TYW1: variants seen among roughly 807,000 people sequenced by gnomAD.
TYW1 encodes tRNA-yW synthesizing protein 1 homolog.
A neutral mutation model predicts 96.2 loss-of-function variants in TYW1; 46 were observed. The ratio of observed to expected loss-of-function variants is 0.48; its 90% CI spans 0.38 to 0.61. TYW1 has a LOEUF of 0.61. Ranked by LOEUF, TYW1 falls within the 20% of genes least tolerant of loss-of-function variation. The pLI is 0.00. For missense variants in TYW1, 684 were observed against 909.6 expected (o/e 0.75, Z 3.19); for synonymous variants, 274 against 323.0 (o/e 0.85, Z 1.63).
At chr7:67,028,934 A>G (rs564205379) in intron 7 of TYW1, among the ~76,000 whole-genome samples, 52 of 152,144 alleles carry the variant, frequency 3.4e-4, no homozygotes, top group Admixed American at 9.8e-4. Flanking sequence ...GAATAACACT[A>G]TGGTGGATTG....
chr7:67,013,906 G>T (rs1405648067), intron 4 of TYW1, among the ~76,000 whole-genome samples: 32 of 151,744 alleles, frequency 2.1e-4, no homozygotes, highest in Admixed American at 1.2e-3. Context: ...ACCACGCCCG[G>T]CTAATTTTTT....
chr7:67,060,911 C>T (rs1015785103), intron 9 of TYW1, among the ~76,000 whole-genome samples: 2 of 152,136 alleles, frequency 1.3e-5, no homozygotes, highest in Non-Finnish European at 2.9e-5. Flanking sequence ...ATAAATCAGA[C>T]ATGAGGCTTG....
intron 13 of TYW1, among the ~76,000 whole-genome samples, chr7:67,162,313 CAAAA>C (rs60661089): frequency 9.8e-6 from 1 of 102,172 alleles, no homozygotes. Flanking sequence ...GACTCTGTCT[CAAAA>C]AAAAAAAAAA....
intron 12 of TYW1, among the ~76,000 whole-genome samples, chr7:67,102,841 C>CA (rs36011382): frequency 5.9e-5 from 9 of 151,372 alleles, no homozygotes; most frequent in Admixed American, 3.3e-4. Context: ...TTAGTAGAGA[C>CA]GGGTTTCACC....
chr7:67,206,624 TAAA>T (rs1392636131), intron 15 of TYW1, among the ~76,000 whole-genome samples: 1 of 60,114 alleles, frequency 1.7e-5, no homozygotes, highest in Non-Finnish European at 3.2e-5. Context: ...GTCTCAAACA[TAAA>T]TAAATAAATA....
intron 4 of TYW1, among the ~76,000 whole-genome samples, chr7:67,010,682 C>T (rs1000176567): frequency 1.1e-4 from 17 of 151,740 alleles, no homozygotes; most frequent in Non-Finnish European, 1.8e-4. Context: ...TCACCGTGTT[C>T]GCCAGGATGG....
chr7:67,026,580 T>C (rs2037494), intron 7 of TYW1, among the ~76,000 whole-genome samples: 83,206 of 151,410 alleles, frequency 0.55, 23,137 homozygotes, highest in Admixed American at 0.62. Context: ...CTCTAGACTC[T>C]TAGATCTAGA....
chr7:67,069,595 C>T (rs897242044), intron 10 of TYW1, among the ~76,000 whole-genome samples: 3 of 152,116 alleles, frequency 2.0e-5, no homozygotes, highest in South Asian at 2.1e-4. Flanking sequence ...AAAAATTCGC[C>T]GGGCATGGTG....
chr7:67,028,100 A>T (rs925729798), intron 7 of TYW1, among the ~76,000 whole-genome samples: 3 of 150,232 alleles, frequency 2.0e-5, no homozygotes, highest in Admixed American at 1.3e-4. Flanking sequence ...TAAGCTGGGC[A>T]TAGTGGCGCA....
At chr7:67,076,275 T>C (rs1363052252) in intron 10 of TYW1, among the ~76,000 whole-genome samples, 2 of 152,188 alleles carry the variant, frequency 1.3e-5, no homozygotes, top group African/African-American at 4.8e-5. Context: ...CTTTGTTCAG[T>C]GTACTCTCAT....
intron 6 of TYW1, among the ~76,000 whole-genome samples, chr7:67,023,195 C>A (rs1367135892): frequency 6.6e-6 from 1 of 152,032 alleles, no homozygotes; most frequent in Non-Finnish European, 1.5e-5. Context: ...CTCCTGGGTT[C>A]AAGCAATTCT....
At chr7:67,014,832 G>A (rs1048714990) in intron 5 of TYW1, among the ~76,000 whole-genome samples, 2 of 152,088 alleles carry the variant, frequency 1.3e-5, no homozygotes, top group Non-Finnish European at 2.9e-5. Context: ...GGGTTCAAGT[G>A]ATTTCTCCTG....
chr7:67,122,587 G>A (rs182438847), intron 13 of TYW1, among the ~76,000 whole-genome samples: 1 of 152,258 alleles, frequency 6.6e-6, no homozygotes, highest in African/African-American at 2.4e-5. Flanking sequence ...CACTGGGGGA[G>A]GGCATGCTTT....
intron 7 of TYW1, among the ~76,000 whole-genome samples, chr7:67,028,729 C>CA (rs1179881479): frequency 6.6e-6 from 1 of 152,078 alleles, no homozygotes; most frequent in Non-Finnish European, 1.5e-5. Context: ...CAGTTTTTAC[C>CA]AAAATCACAT....
In TYW1 at chr7:67,066,068, G is replaced by T. The variant is rs78809407; in HGVS notation, c.1156-1217G>T. 4.1e-3 allele frequency among the ~76,000 whole-genome samples: 626 copies of T among 151,900 alleles called. 35 individuals carry two copies. In the East Asian group the frequency reaches 0.11, roughly 27 times the overall value. ...ATACACGTGTAAAGGCTACTCATTCGTGTCTCTGCTTTCCTTCTCCTTGTT... is the reference window on the plus strand; with the variant it reads ...ATACACGTGTAAAGGCTACTCATTCTTGTCTCTGCTTTCCTTCTCCTTGTT... On this transcript the variant is annotated intron_variant, in intron 9 of 15. Coordinates refer to ENST00000359626, the MANE Select transcript of TYW1 (RefSeq NM_018264.4).
At chr7:67,219,845 GTTTTTT>G (rs57991071) in intron 15 of TYW1, among the ~76,000 whole-genome samples, 9,109 of 132,036 alleles carry the variant, frequency 0.069, 394 homozygotes, top group South Asian at 0.11. Flanking sequence ...GGTTTTGTGG[GTTTTTT>G]TTTTTTTTTT....
At chr7:67,014,651 A>G (rs1793951841) in intron 5 of TYW1, 90 bp downstream of exon 5, 3 of 1,452,504 alleles carry the variant, frequency 2.1e-6, no homozygotes, top group Non-Finnish European at 2.8e-6. Flanking sequence ...GCACACACGC[A>G]CACACACATA....
intron 15 of TYW1, among the ~76,000 whole-genome samples, chr7:67,197,252 G>A (rs1489008987): frequency 2.0e-5 from 3 of 151,554 alleles, no homozygotes; most frequent in African/African-American, 7.3e-5. Context: ...TGCTTAATAT[G>A]TGACAGACAC....
chr7:67,106,493 C>T (rs866061692), intron 12 of TYW1, among the ~76,000 whole-genome samples: 1 of 152,122 alleles, frequency 6.6e-6, no homozygotes, highest in Non-Finnish European at 1.5e-5. Context: ...CTCTGTATGG[C>T]ATCGTGTTGT....
Sources: allele counts gnomAD v4.1 joint callset (sites outside exome capture counted in the v4.1 genomes callset), GRCh38; gene constraint gnomAD v4.1.1; transcripts MANE v1.5; gene names NCBI Gene and HGNC (gene_info 2026-07-23, HGNC 2026-07-21).